Variants in ANKS1B observed in about 807,000 individuals in gnomAD.
ANKS1B encodes the protein ankyrin repeat and sterile alpha motif domain-containing protein 1B.
A neutral mutation model predicts 148.3 loss-of-function variants in ANKS1B; 36 were observed. That is an observed-to-expected ratio of 0.24 (90% CI 0.19 to 0.32). The LOEUF is 0.32. Among genes scored for constraint, ANKS1B ranks in the 10% least tolerant of loss-of-function variants. ANKS1B has a pLI of 1.00. For synonymous variants in ANKS1B, 542 were observed against 560.8 expected (o/e 0.97, Z 0.47); for missense variants, 1,157 against 1,542.6 (o/e 0.75, Z 4.19).
At chr12:98,893,864 C>T (rs2099757827) in intron 17 of ANKS1B, 1 of 152,208 alleles carries the variant, frequency 6.6e-6, no homozygotes, top group Non-Finnish European at 1.5e-5. Context: ...GGCTGGTTTT[C>T]TTGGAGGAAA....
At chr12:99,485,461 T>A (rs1374427887) in intron 10 of ANKS1B, among the ~76,000 whole-genome samples, 1 of 152,176 alleles carries the variant, frequency 6.6e-6, no homozygotes, top group African/African-American at 2.4e-5. Flanking sequence ...TTAGATAACC[T>A]GATGACTATA....
chr12:99,380,310 C>T (rs768030001), intron 12 of ANKS1B, among the ~76,000 whole-genome samples: 12 of 152,170 alleles, frequency 7.9e-5, no homozygotes, highest in African/African-American at 1.2e-4. Flanking sequence ...AAATTACAAA[C>T]GGTGCTTCTT....
chr12:99,624,201 T>C (rs2098086810), intron 9 of ANKS1B, among the ~76,000 whole-genome samples: 1 of 152,104 alleles, frequency 6.6e-6, no homozygotes, highest in African/African-American at 2.4e-5. Flanking sequence ...TGGCTAGCCA[T>C]GTGCAAAAGA....
At chr12:99,389,771 T>C (rs2093995831) in intron 12 of ANKS1B, among the ~76,000 whole-genome samples, 1 of 152,100 alleles carries the variant, frequency 6.6e-6, no homozygotes, top group African/African-American at 2.4e-5. Flanking sequence ...AAGAGAAAAT[T>C]GAGTTAATAA....
chr12:99,335,203 T>A (rs1243976351), intron 12 of ANKS1B, among the ~76,000 whole-genome samples: 2 of 152,068 alleles, frequency 1.3e-5, no homozygotes, highest in African/African-American at 4.8e-5. Context: ...TTTAAAATTT[T>A]TTTCATTTTT....
intron 16 of ANKS1B, among the ~76,000 whole-genome samples, chr12:99,079,073 C>G (rs1479236073): frequency 6.6e-6 from 1 of 152,140 alleles, no homozygotes; most frequent in African/African-American, 2.4e-5. Flanking sequence ...AGCCTGAATC[C>G]TGCCTACAAC....
At chr12:99,871,241 G>C (rs2091472230) in intron 1 of ANKS1B, among the ~76,000 whole-genome samples, 1 of 151,932 alleles carries the variant, frequency 6.6e-6, no homozygotes, top group Non-Finnish European at 1.5e-5. Context: ...TTCATTTCTG[G>C]GTTCTCTATT....
chr12:99,366,569 G>A (rs549983823), intron 12 of ANKS1B, among the ~76,000 whole-genome samples: 2 of 152,240 alleles, frequency 1.3e-5, no homozygotes, highest in South Asian at 4.2e-4. Context: ...TTGGGTATAT[G>A]ACAAAGTTGG....
intron 8 of ANKS1B, among the ~76,000 whole-genome samples, chr12:99,700,134 A>C (rs1276034144): frequency 6.6e-6 from 1 of 152,098 alleles, no homozygotes; most frequent in African/African-American, 2.4e-5. Context: ...ACAATGCTTC[A>C]TTTTTTTAAC....
chr12:99,488,411 T>C (rs1286161328), intron 10 of ANKS1B, among the ~76,000 whole-genome samples: 1 of 152,200 alleles, frequency 6.6e-6, no homozygotes, highest in Non-Finnish European at 1.5e-5. Context: ...TGCTTTATTC[T>C]TTTAGTCTTC....
chr12:98,915,543 G>A (rs12319119), intron 17 of ANKS1B, among the ~76,000 whole-genome samples: 12,471 of 152,038 alleles, frequency 0.082, 1,089 homozygotes, highest in South Asian at 0.25. Flanking sequence ...AGTAGGGACG[G>A]GCTTTCACCA....
intron 22 of ANKS1B, among the ~76,000 whole-genome samples, chr12:98,796,388 A>T (rs2098949861): frequency 6.6e-6 from 1 of 152,214 alleles, no homozygotes; most frequent in Admixed American, 6.5e-5. Context: ...TGTGTCCTAA[A>T]GTATTTTTCA....
chr12:99,694,596 T>A (rs1388707106), intron 8 of ANKS1B, among the ~76,000 whole-genome samples: 2 of 152,244 alleles, frequency 1.3e-5, no homozygotes, highest in East Asian at 3.9e-4. Flanking sequence ...GCATCATAAA[T>A]GTAATATCTT....
At chr12:99,607,460 T>C (rs1567462345) in intron 9 of ANKS1B, among the ~76,000 whole-genome samples, 1 of 152,086 alleles carries the variant, frequency 6.6e-6, no homozygotes, top group Non-Finnish European at 1.5e-5. Flanking sequence ...ATTTAAAGTA[T>C]TATGACCTTA....
intron 17 of ANKS1B, among the ~76,000 whole-genome samples, chr12:99,035,001 T>G (rs968883797): frequency 6.6e-6 from 1 of 152,158 alleles, no homozygotes; most frequent in Non-Finnish European, 1.5e-5. Context: ...GGTGACATGA[T>G]GTGAGCTGAG....
intron 1 of ANKS1B, among the ~76,000 whole-genome samples, chr12:99,865,562 A>T (rs563330909): frequency 1.3e-5 from 2 of 152,320 alleles, no homozygotes; most frequent in East Asian, 3.9e-4. Flanking sequence ...AGCCAAGTAA[A>T]AGCTGCAAGT....
intron 8 of ANKS1B, among the ~76,000 whole-genome samples, chr12:99,770,366 C>T (rs2063077248): frequency 1.3e-5 from 2 of 152,148 alleles, no homozygotes; most frequent in African/African-American, 2.4e-5. Flanking sequence ...AATCCCACAA[C>T]TCAAAACATG....
chr12:99,781,077 A>AAG (rs1555610381), intron 5 of ANKS1B, among the ~76,000 whole-genome samples: 1 of 151,830 alleles, frequency 6.6e-6, no homozygotes, highest in Non-Finnish European at 1.5e-5. Flanking sequence ...AAAAAAAAAA[A>AAG]AAGCCAGTTT....
chr12:98,794,391 TCAAAAAAAAAAAAAAAA>T, intron 22 of ANKS1B: 4 of 113,230 alleles, frequency 3.5e-5, no homozygotes, highest in South Asian at 2.4e-4. Context: ...AAACTCTGTC[TCAAAAAAAAAAAAAAAA>T]AAAAAAAAAA....
Sources: gnomAD v4.1 joint callset for allele counts (sites outside exome capture counted in the v4.1 genomes callset) on GRCh38, gnomAD v4.1.1 for gene constraint, MANE v1.5 for transcripts, NCBI Gene and HGNC (gene_info 2026-07-23, HGNC 2026-07-21) for gene names.